The following EP300 variants were observed in gnomAD, a reference collection of about 807,000 sequenced individuals.
The protein encoded by EP300 is EP300 lysine acetyltransferase.
Under a neutral mutation model 264.0 loss-of-function variants are expected in EP300, and 31 were observed. That is an observed-to-expected ratio of 0.12 (90% CI 0.09 to 0.16). The LOEUF is 0.16. Among genes scored for constraint, EP300 ranks in the 10% least tolerant of loss-of-function variants. The pLI is 1.00. For synonymous variants in EP300, 1,340 were observed against 1,045.4 expected (o/e 1.28, Z -5.44); for missense variants, 2,766 against 3,052.9 (o/e 0.91, Z 2.21).
At chr22:41,163,442 A>G (rs990942071) in intron 21 of EP300, among the ~76,000 whole-genome samples, 7 of 146,016 alleles carry the variant, frequency 4.8e-5, no homozygotes, top group African/African-American at 1.8e-4. Flanking sequence ...CTCAAAAAAA[A>G]AAAAAAAAAA....
chr22:41,168,476 T>G lies in EP300; in HGVS notation c.3902T>G (p.Phe1301Cys). The G allele has an allele frequency of 6.2e-7, 1 of 1,614,226 alleles. No individual in the cohort carries two copies. The highest frequency in any genetic ancestry group is 1.7e-5 in the Admixed American group (1 of 60,026). ...TTGCCATCTACCAGACTTGGCACCT[T>G]TCTAGAGAATCGTGTGAATGACTTT... is the stretch of plus-strand genomic sequence containing the variant. Reference protein sequence around the residue: ...KRLPSTRLGTFLENRVNDFLR... With the variant: ...KRLPSTRLGTCLENRVNDFLR... Residue 1301 changes from phenylalanine (F) to cysteine (C), a missense_variant, in exon 24 of 31, where the codon TTT (phenylalanine) becomes TGT (cysteine). Physicochemically the swap from Phe to Cys is radical, Grantham distance 205 (BLOSUM62 -2). Coordinates refer to ENST00000263253, the MANE Select transcript of EP300 (RefSeq NM_001429.4).
chr22:41,176,693 C>T (rs2145514577), intron 30 of EP300, 80 bp from the exon 31 acceptor site: 1 of 1,612,840 alleles, frequency 6.2e-7, no homozygotes, highest in Non-Finnish European at 8.5e-7. Context: ...AGGGGCTTTT[C>T]TAGCCCAAAC....
At position 41,179,877 on chromosome 22, in the gene EP300, CACTCA is replaced by C. The variant is rs1331696126; in HGVS notation, c.*922_*926del. 1.0e-3 allele frequency: 147 copies of C among 145,540 alleles called. 9 individuals are homozygous for C. The highest frequency in any genetic ancestry group is 3.5e-3 in the East Asian group (37 of 10,698). 9.0% of individuals were successfully genotyped at this position (145,540 alleles called of 1,614,324 possible). A position where few individuals can be genotyped will look rare whatever the true frequency, so the allele number is the denominator to read the frequency against. On this transcript the variant is annotated 3_prime_UTR_variant, in exon 31 of 31. Transcript: ENST00000263253. ...CTTTCTTCCTCCTTACCCTACCCCCCACTCACACACACACACACACACACACACAC... is the reference window on the plus strand; with the variant it reads ...CTTTCTTCCTCCTTACCCTACCCCCCCACACACACACACACACACACACAC...
At chr22:41,126,729 CTTTTTTTTTTTTTTTTTTT>C (rs71328775) in intron 3 of EP300, among the ~76,000 whole-genome samples, 25 of 48,792 alleles carry the variant, frequency 5.1e-4, no homozygotes, top group Non-Finnish European at 6.5e-4. Flanking sequence ...GAAATGTTCA[CTTTTTTTTTTTTTTTTTTT>C]TTTTTTTTTT....
chr22:41,125,112 C>CTTT lies in EP300; in HGVS notation c.730-730_730-728dup, dbSNP rs930135062. Among the ~76,000 whole-genome samples, 290 of 80,360 alleles carry CTTT rather than the reference C, an allele frequency of 3.6e-3. 4 individuals carry two copies. The highest frequency in any genetic ancestry group is 9.7e-3 in the African/African-American group (194 of 20,096). 52.7% of individuals were successfully genotyped at this position (80,360 alleles called of 152,430 possible). A position where few individuals can be genotyped will look rare whatever the true frequency, so the allele number is the denominator to read the frequency against. On this transcript the variant is annotated intron_variant, in intron 2 of 30. Coordinates refer to ENST00000263253, the MANE Select transcript of EP300 (RefSeq NM_001429.4). ...TGCCACCACATCCAGCTTTTCTTTCCTTTTTTTTTTTTTTTTTTTTTTTTG... is the reference window on the plus strand; with the variant it reads ...TGCCACCACATCCAGCTTTTCTTTCCTTTTTTTTTTTTTTTTTTTTTTTTTTTG...
intron 6 of EP300, among the ~76,000 whole-genome samples, chr22:41,134,872 C>T (rs1210585811): frequency 6.6e-6 from 1 of 151,958 alleles, no homozygotes; most frequent in Non-Finnish European, 1.5e-5. Context: ...TGTTTTATAT[C>T]TTCTGTCTTG....
chr22:41,157,124 A>G (rs1366246253), intron 17 of EP300, 45 bp from the exon 18 acceptor site: 1 of 1,612,632 alleles, frequency 6.2e-7, no homozygotes, highest in African/African-American at 1.3e-5. Context: ...TCTCCCGTAA[A>G]AATAGTGAGA....
Position 41,178,535 on chromosome 22 carries a change from C to T in EP300, c.6824C>T (p.Pro2275Leu), listed in dbSNP as rs892684379. ...CAACAGATGGGGTCCCCTGTTCAGCCCAACCCCATGAGCCCCCAGCAGCAT... is the reference window on the plus strand; with the variant it reads ...CAACAGATGGGGTCCCCTGTTCAGCTCAACCCCATGAGCCCCCAGCAGCAT... The part of the protein sequence containing the change: ...LQQQMGSPVQ[P>L]NPMSPQQHML... Residue 2275 changes from proline to leucine, a missense_variant, in exon 31 of 31, where the codon CCC becomes CTC. Coordinates refer to ENST00000263253, the MANE Select transcript of EP300 (RefSeq NM_001429.4). The T allele has an allele frequency of 6.2e-7, 1 of 1,613,856 alleles. No homozygotes were observed. The highest frequency in any genetic ancestry group is 8.5e-7 in the Non-Finnish European group (1 of 1,179,964).
chr22:41,154,876 C>T (rs2059067901), intron 16 of EP300, 119 bp from the exon 17 acceptor site: 3 of 736,344 alleles, frequency 4.1e-6, no homozygotes, highest in Admixed American at 2.0e-5. Flanking sequence ...TCCATGGGGA[C>T]AGAGTGGTTA....
At chr22:41,093,709 G>A (rs977705244) in intron 1 of EP300, among the ~76,000 whole-genome samples, 2 of 152,026 alleles carry the variant, frequency 1.3e-5, no homozygotes, top group African/African-American at 4.8e-5. Flanking sequence ...AATATGGAGC[G>A]CAGTTCATTT....
At chr22:41,150,345 G>A in intron 14 of EP300, 147 bp downstream of exon 14, 3 of 1,058,240 alleles carry the variant, frequency 2.8e-6, no homozygotes, top group Non-Finnish European at 4.2e-6. Flanking sequence ...AGGGACTTTT[G>A]TATCCTGTTT....
intron 9 of EP300, 76 bp downstream of exon 9, chr22:41,140,333 C>G (rs1028401530): frequency 4.1e-6 from 4 of 983,698 alleles, no homozygotes; most frequent in African/African-American, 1.6e-5. Context: ...TTAGCATGTA[C>G]AAGTAGTACA....
intron 8 of EP300, 42 bp downstream of exon 8, chr22:41,137,832 T>TA (rs748905966): frequency 4.3e-6 from 7 of 1,613,544 alleles, no homozygotes; most frequent in Non-Finnish European, 4.2e-6. Context: ...AAAGAGATGT[T>TA]ACGTCAACAT....
In EP300 at chr22:41,125,872, G is replaced by A; in HGVS notation, c.738G>A (p.Met246Ile). ...LRGPQPLKMG[M>I]MNNPNPYGSP... ...TTGTTTCTTACTCTTAGATGGGAAT[G>A]ATGAACAACCCCAATCCTTATGGTT... Residue 246 changes from methionine (M) to isoleucine (I), a missense_variant, in exon 3 of 31, where the codon ATG becomes ATA. Coordinates refer to ENST00000263253, the MANE Select transcript of EP300 (RefSeq NM_001429.4). 1 of 1,614,154 alleles carries A rather than the reference G, an allele frequency of 6.2e-7. No individual in the cohort carries two copies. The highest frequency in any genetic ancestry group is 1.1e-5 in the South Asian group (1 of 91,072).
At chr22:41,141,321 G>T in intron 10 of EP300, 99 bp downstream of exon 10, 1 of 1,348,712 alleles carries the variant, frequency 7.4e-7, no homozygotes, top group Non-Finnish European at 1.0e-6. Flanking sequence ...AACTATTCTA[G>T]AGTTTTTTAA....
chr22:41,109,368 A>G (rs1228955974), intron 1 of EP300, among the ~76,000 whole-genome samples: 3 of 152,286 alleles, frequency 2.0e-5, no homozygotes, highest in Middle Eastern at 3.4e-3. Context: ...CAAGACTTCT[A>G]TATTACTAAA....
Position 41,172,540 on chromosome 22 carries a change from A to C in EP300, c.4494A>C (p.Ala1498=), listed in dbSNP as rs1347170249. 1 of 1,614,090 alleles carries C rather than the reference A, an allele frequency of 6.2e-7. No homozygotes were observed. Among genetic ancestry groups the C allele is most frequent in the South Asian group, 1.1e-5 (1 of 91,086 alleles). ...KQATEDRLTS[A]KELPYFEGDF... ...CTACTGAAGATAGATTAACAAGTGC[A>C]AAGGAATTGCCTTATTTCGAGGGTG... is the stretch of plus-strand genomic sequence containing the variant. Residue 1498 remains alanine, a synonymous_variant, in exon 28 of 31, where the codon GCA becomes GCC. Transcript: ENST00000263253.
intron 10 of EP300, among the ~76,000 whole-genome samples, chr22:41,144,099 T>C (rs2058997772): frequency 6.6e-6 from 1 of 152,204 alleles, no homozygotes; most frequent in East Asian, 1.9e-4. Flanking sequence ...GAAAAGCTGA[T>C]GACAGAAGTA....
chr22:41,150,399 T>G (rs1222588557), intron 14 of EP300, among the ~76,000 whole-genome samples: 1 of 152,208 alleles, frequency 6.6e-6, no homozygotes, highest in East Asian at 1.9e-4. Flanking sequence ...GCATAAAGAT[T>G]TTATTTAGCT....
Sources: gnomAD v4.1 joint callset for allele counts (sites outside exome capture counted in the v4.1 genomes callset) on GRCh38, gnomAD v4.1.1 for gene constraint, MANE v1.5 for transcripts, NCBI Gene and HGNC (gene_info 2026-07-23, HGNC 2026-07-21) for gene names.